The following SECISBP2L variants were observed in gnomAD, a reference collection of about 807,000 sequenced individuals.
SECISBP2L encodes SECIS binding protein 2 like, also known as selenocysteine insertion sequence-binding protein 2-like.
SECISBP2L carries 43 observed loss-of-function variants against 114.7 expected under a neutral mutation model. The observed-to-expected ratio is 0.38, with a 90% confidence interval of 0.29 to 0.48. SECISBP2L has a LOEUF of 0.48. Ranked by LOEUF, SECISBP2L falls within the 20% of genes least tolerant of loss-of-function variation. The probability of loss-of-function intolerance (pLI) is 0.98; values close to 1 mark genes in which losing one functional copy is unlikely to be tolerated. For synonymous variants in SECISBP2L, 451 were observed against 439.7 expected (o/e 1.03, Z -0.32); for missense variants, 1,136 against 1,301.1 (o/e 0.87, Z 1.95).
intron 14 of SECISBP2L, among the ~76,000 whole-genome samples, chr15:49,002,176 T>G (rs1321315364): frequency 6.6e-6 from 1 of 152,230 alleles, no homozygotes. Flanking sequence ...GGTATCTCAT[T>G]GTGGTTTTGA....
At chr15:49,017,434 C>T (rs563896375) in intron 9 of SECISBP2L, 114 bp downstream of exon 9, 2 of 695,176 alleles carry the variant, frequency 2.9e-6, no homozygotes, top group Non-Finnish European at 5.0e-6. Flanking sequence ...AACACCATCT[C>T]CTGCACACTC....
intron 8 of SECISBP2L, among the ~76,000 whole-genome samples, chr15:49,017,998 C>A (rs982887100): frequency 1.3e-5 from 2 of 152,218 alleles, no homozygotes; most frequent in East Asian, 3.9e-4. Flanking sequence ...TTAATATACT[C>A]CTTGTTCTGC....
chr15:49,017,894 G>A, intron 8 of SECISBP2L: 1 of 280,856 alleles, frequency 3.6e-6, no homozygotes, highest in Non-Finnish European at 6.6e-6. Context: ...TCTACCTTCA[G>A]ATGGGTGGGT....
chr15:49,005,898 T>G (rs966140401), intron 14 of SECISBP2L, among the ~76,000 whole-genome samples: 2 of 152,136 alleles, frequency 1.3e-5, no homozygotes, highest in African/African-American at 2.4e-5. Flanking sequence ...TACCGGTTTT[T>G]CCTTTCCATA....
At chr15:49,040,317 A>G (rs890321571) in intron 1 of SECISBP2L, among the ~76,000 whole-genome samples, 4 of 151,846 alleles carry the variant, frequency 2.6e-5, no homozygotes, top group Non-Finnish European at 5.9e-5. Flanking sequence ...ACACACACAA[A>G]AGAGAGAGAG....
intron 7 of SECISBP2L, chr15:49,019,787 T>C (rs1211175463): frequency 2.3e-5 from 8 of 341,322 alleles, no homozygotes; most frequent in Admixed American, 9.7e-5. Flanking sequence ...GAATATTTAT[T>C]AGCAGCTTTA....
chr15:48,994,391 T>C (rs1031560534), intron 17 of SECISBP2L, among the ~76,000 whole-genome samples: 2 of 152,174 alleles, frequency 1.3e-5, no homozygotes, highest in Non-Finnish European at 2.9e-5. Context: ...GATTATATCA[T>C]TGTCTAACTG....
At chr15:48,993,484 G>T (rs1269124841) in intron 17 of SECISBP2L, among the ~76,000 whole-genome samples, 1 of 152,034 alleles carries the variant, frequency 6.6e-6, no homozygotes, top group Non-Finnish European at 1.5e-5. Context: ...TAGCCTAGAG[G>T]TGTAATGGGC....
Position 49,019,641 on chromosome 15 carries a change from C to A in SECISBP2L, c.1036-89G>T, listed in dbSNP as rs1351427984. 2.8e-6 allele frequency: 3 copies of A among 1,084,190 alleles called. No homozygotes were observed. The East Asian group carries it at 9.5e-5, about 35-fold the overall frequency. 67.2% of individuals were successfully genotyped at this position (1,084,190 alleles called of 1,614,324 possible). On this transcript the variant is annotated intron_variant, in intron 7 of 17. Coordinates refer to ENST00000559471, the MANE Select transcript of SECISBP2L (RefSeq NM_001193489.2). ...TATAACATACTGGCAGAAAAGTACA[C>A]GCAAGTGTACAACTCAATAAATTTT... is the stretch of plus-strand genomic sequence containing the variant.
At chr15:49,030,099 CT>C (rs1902855954) in intron 4 of SECISBP2L, among the ~76,000 whole-genome samples, 1 of 151,240 alleles carries the variant, frequency 6.6e-6, no homozygotes, top group Non-Finnish European at 1.5e-5. Context: ...ACAAGTTTTC[CT>C]TTTTCCACAT....
chr15:49,015,013 T>C (rs1902508931), intron 11 of SECISBP2L, among the ~76,000 whole-genome samples: 1 of 152,126 alleles, frequency 6.6e-6, no homozygotes, highest in African/African-American at 2.4e-5. Flanking sequence ...CATAATAATA[T>C]TAAACATTTA....
intron 1 of SECISBP2L, among the ~76,000 whole-genome samples, chr15:49,045,896 G>A (rs1903237325): frequency 1.3e-5 from 2 of 152,182 alleles, no homozygotes; most frequent in Admixed American, 6.5e-5. Context: ...TGGGTGAGAA[G>A]CCTTCAAACG....
chr15:49,040,057 T>C (rs1903092216), intron 1 of SECISBP2L, among the ~76,000 whole-genome samples: 1 of 152,204 alleles, frequency 6.6e-6, no homozygotes, highest in Non-Finnish European at 1.5e-5. Flanking sequence ...TAGCAATACA[T>C]TCAAATTCTT....
In SECISBP2L at chr15:49,016,566, A is replaced by C; in HGVS notation, c.1555T>G (p.Tyr519Asp). Residue 519 changes from tyrosine to aspartate, a missense_variant, in exon 11 of 18, where the codon TAT (tyrosine) becomes GAT (aspartate). Tyr to Asp is a radical substitution (Grantham distance 160). Transcript: ENST00000559471. ...RQITNTRPLSYTVVTAASFHT... is the reference protein window; with the variant it reads ...RQITNTRPLSDTVVTAASFHT... ...CTCAGACTAATGATATCACCTGTAT[A>C]TGACAGAGGTCTGGTGTTAGTAATT... 2 of 1,606,662 alleles carry C rather than the reference A, an allele frequency of 1.2e-6. No individual in the cohort carries two copies. Among genetic ancestry groups the C allele is most frequent in the South Asian group, 2.2e-5 (2 of 89,450 alleles).
At chr15:49,015,003 CATA>C (rs930819254) in intron 11 of SECISBP2L, among the ~76,000 whole-genome samples, 5 of 151,892 alleles carry the variant, frequency 3.3e-5, no homozygotes, top group African/African-American at 4.8e-5. Context: ...ATCTCGTCTC[CATA>C]ATAATATTAA....
chr15:48,993,646 C>T (rs1297789500), intron 17 of SECISBP2L, among the ~76,000 whole-genome samples: 1 of 151,710 alleles, frequency 6.6e-6, no homozygotes, highest in Non-Finnish European at 1.5e-5. Flanking sequence ...AGCAAAGAAT[C>T]CATCCATGCA....
At chr15:48,995,491 G>GT (rs1289749130) in intron 17 of SECISBP2L, among the ~76,000 whole-genome samples, 4 of 151,778 alleles carry the variant, frequency 2.6e-5, no homozygotes, top group Non-Finnish European at 4.4e-5. Flanking sequence ...TGAGGGCTCA[G>GT]TTTTTTTTAC....
At chr15:49,030,331 A>G (rs1902859792) in intron 4 of SECISBP2L, among the ~76,000 whole-genome samples, 1 of 152,208 alleles carries the variant, frequency 6.6e-6, no homozygotes, top group Admixed American at 6.5e-5. Context: ...CTGCTGCAAT[A>G]TGCATCTTTA....
chr15:49,001,286 T>C (rs1460664933), intron 14 of SECISBP2L, among the ~76,000 whole-genome samples, 189 bp from the exon 15 acceptor site: 2 of 152,214 alleles, frequency 1.3e-5, no homozygotes, highest in African/African-American at 4.8e-5. Context: ...GTGATACAGA[T>C]ATTCCTTGTT....
Sources: allele counts gnomAD v4.1 joint callset (sites outside exome capture counted in the v4.1 genomes callset), GRCh38; gene constraint gnomAD v4.1.1; transcripts MANE v1.5; gene names NCBI Gene and HGNC (gene_info 2026-07-23, HGNC 2026-07-21).